Variants in NKAIN2 observed in about 807,000 individuals in gnomAD.
The protein encoded by NKAIN2 is sodium/potassium transporting ATPase interacting 2.
In NKAIN2, 14 loss-of-function variants were observed where a neutral mutation model predicts 32.6. That is an observed-to-expected ratio of 0.43 (90% CI 0.28 to 0.67). The LOEUF (loss-of-function observed/expected upper bound fraction) is 0.67, where lower values mean the gene tolerates loss of function less well. Among genes scored for constraint, NKAIN2 ranks in the 30% least tolerant of loss-of-function variants. NKAIN2 has a pLI of 0.17. For synonymous variants in NKAIN2, 80 were observed against 87.2 expected (o/e 0.92, Z 0.46); for missense variants, 198 against 258.3 (o/e 0.77, Z 1.60).
chr6:124,716,381 T>C (rs898450510), intron 4 of NKAIN2, among the ~76,000 whole-genome samples: 1 of 152,172 alleles, frequency 6.6e-6, no homozygotes, highest in Non-Finnish European at 1.5e-5. Flanking sequence ...GAGACATCTG[T>C]ATCCAAGATG....
At chr6:123,868,160 G>C (rs1772672739) in intron 1 of NKAIN2, among the ~76,000 whole-genome samples, 1 of 152,150 alleles carries the variant, frequency 6.6e-6, no homozygotes, top group East Asian at 1.9e-4. Flanking sequence ...GAGCCACTGT[G>C]CCCAGCCTGT....
At chr6:123,873,612 A>G (rs1773018630) in intron 1 of NKAIN2, among the ~76,000 whole-genome samples, 1 of 152,188 alleles carries the variant, frequency 6.6e-6, no homozygotes, top group Admixed American at 6.5e-5. Context: ...AGAATGAGGC[A>G]TGATACTGGA....
chr6:124,338,550 G>A (rs948931036), intron 2 of NKAIN2, among the ~76,000 whole-genome samples: 1 of 151,932 alleles, frequency 6.6e-6, no homozygotes, highest in Non-Finnish European at 1.5e-5. Context: ...TTTTCTAGGC[G>A]CTTAACTCAT....
chr6:124,379,307 G>A (rs1800153870), intron 3 of NKAIN2, among the ~76,000 whole-genome samples: 1 of 125,680 alleles, frequency 8.0e-6, no homozygotes, highest in Non-Finnish European at 1.7e-5. Flanking sequence ...AAGGAGAAAG[G>A]GGAGAGGAGA....
At chr6:124,217,147 G>T (rs181224368) in intron 1 of NKAIN2, among the ~76,000 whole-genome samples, 161 of 152,162 alleles carry the variant, frequency 1.1e-3, no homozygotes, top group Non-Finnish European at 1.9e-3. Context: ...TAAACATATT[G>T]TATATAATTT....
chr6:124,138,499 GA>G (rs1158653459), intron 1 of NKAIN2, among the ~76,000 whole-genome samples: 3 of 151,914 alleles, frequency 2.0e-5, no homozygotes, highest in Non-Finnish European at 4.4e-5. Flanking sequence ...TATCTATCCA[GA>G]GGAAAAGAAG....
intron 3 of NKAIN2, among the ~76,000 whole-genome samples, chr6:124,520,534 C>T (rs949990228): frequency 2.0e-5 from 3 of 152,120 alleles, no homozygotes; most frequent in Admixed American, 6.5e-5. Flanking sequence ...ACTAGTTTCA[C>T]GGTCATTTTT....
At chr6:124,541,982 A>T (rs1779928723) in intron 3 of NKAIN2, among the ~76,000 whole-genome samples, 1 of 152,150 alleles carries the variant, frequency 6.6e-6, no homozygotes, top group Admixed American at 6.5e-5. Context: ...CAGCATGTTG[A>T]TTATCAAAAG....
Position 124,333,694 on chromosome 6 carries a change from A to C in NKAIN2, c.193-21573A>C, listed in dbSNP as rs1583064823. Among the ~76,000 whole-genome samples the C allele has an allele frequency of 3.3e-5, 5 of 152,006 alleles. No homozygotes were observed. The South Asian group carries it at 6.2e-4, about 19-fold the overall frequency. ...AAATAAATAAATAAATACATAAATA[A>C]ATAAAATAAACTTAAGAAAAATGCC... On this transcript the variant is annotated intron_variant, in intron 2 of 6. Transcript: ENST00000368417.
intron 1 of NKAIN2, among the ~76,000 whole-genome samples, chr6:124,004,887 CA>C (rs1463548604): frequency 1.6e-5 from 2 of 128,192 alleles, no homozygotes; most frequent in African/African-American, 6.4e-5. Flanking sequence ...ATAATAACAA[CA>C]AAAAAAGAAA....
At chr6:124,804,523 C>G (rs546090376) in intron 5 of NKAIN2, 1 of 600,874 alleles carries the variant, frequency 1.7e-6, no homozygotes, top group African/African-American at 2.0e-5. Flanking sequence ...CCAAGATGGC[C>G]GAACAGGAAC....
At chr6:124,729,698 G>A (rs1776552931) in intron 4 of NKAIN2, among the ~76,000 whole-genome samples, 1 of 150,504 alleles carries the variant, frequency 6.6e-6, no homozygotes, top group Non-Finnish European at 1.5e-5. Flanking sequence ...AGTGTTGGAA[G>A]TTCTGGCCAG....
chr6:124,371,376 G>A (rs1272043751), intron 3 of NKAIN2, among the ~76,000 whole-genome samples: 1 of 151,766 alleles, frequency 6.6e-6, no homozygotes, highest in African/African-American at 2.4e-5. Flanking sequence ...TAATTCCATT[G>A]TTTATTAATT....
At chr6:124,252,991 A>G (rs1312152987) in intron 1 of NKAIN2, among the ~76,000 whole-genome samples, 1 of 152,218 alleles carries the variant, frequency 6.6e-6, no homozygotes, top group African/African-American at 2.4e-5. Context: ...TTGTAGTTCT[A>G]TATTTACTTC....
At chr6:124,278,713 A>G (rs1288036962) in intron 1 of NKAIN2, among the ~76,000 whole-genome samples, 1 of 141,338 alleles carries the variant, frequency 7.1e-6, no homozygotes, top group African/African-American at 2.6e-5. Flanking sequence ...GCTGGAAAAC[A>G]TGAAATATAT....
At chr6:124,730,882 C>T (rs1436824644) in intron 4 of NKAIN2, among the ~76,000 whole-genome samples, 1 of 137,714 alleles carries the variant, frequency 7.3e-6, no homozygotes, top group African/African-American at 2.7e-5. Context: ...CAAACAACCC[C>T]ATCAAAAAGT....
At chr6:124,358,146 G>T (rs1275174759) in intron 3 of NKAIN2, among the ~76,000 whole-genome samples, 5 of 152,150 alleles carry the variant, frequency 3.3e-5, no homozygotes, top group African/African-American at 9.7e-5. Context: ...TGATGTATAT[G>T]TGCCACATTT....
At chr6:124,116,684 C>A (rs936956739) in intron 1 of NKAIN2, among the ~76,000 whole-genome samples, 1 of 151,944 alleles carries the variant, frequency 6.6e-6, no homozygotes, top group Non-Finnish European at 1.5e-5. Flanking sequence ...TGGCACTTCA[C>A]GAAAGTGCTA....
At chr6:124,043,686 C>A (rs762375848) in intron 1 of NKAIN2, among the ~76,000 whole-genome samples, 5 of 152,020 alleles carry the variant, frequency 3.3e-5, no homozygotes, top group Non-Finnish European at 5.9e-5. Flanking sequence ...AGAATCATGG[C>A]TTTTAAAGAT....
Sources: gnomAD v4.1 joint callset for allele counts (sites outside exome capture counted in the v4.1 genomes callset) on GRCh38, gnomAD v4.1.1 for gene constraint, MANE v1.5 for transcripts, NCBI Gene and HGNC (gene_info 2026-07-23, HGNC 2026-07-21) for gene names.